Variants in ABCA8 observed in about 807,000 individuals in gnomAD.
ABCA8 encodes ATP binding cassette subfamily A member 8.
ABCA8 carries 177 observed loss-of-function variants against 192.3 expected under a neutral mutation model. The ratio of observed to expected loss-of-function variants is 0.92; its 90% CI spans 0.81 to 1.04. ABCA8 has a LOEUF of 1.04. ABCA8 is among the 50% of genes least tolerant of loss of function. The probability of loss-of-function intolerance (pLI) is 0.00; values close to 1 mark genes in which losing one functional copy is unlikely to be tolerated. For synonymous variants in ABCA8, 642 were observed against 690.2 expected, an observed-to-expected ratio of 0.93 and a Z score of 1.09; for missense variants, 1,915 against 1,904.8, an observed-to-expected ratio of 1.01 and a Z score of -0.10.
At chr17:68,953,492 G>A (rs2068625110) in intron 1 of ABCA8, among the ~76,000 whole-genome samples, 1 of 152,104 alleles carries the variant, frequency 6.6e-6, no homozygotes, top group Non-Finnish European at 1.5e-5. Flanking sequence ...GCAACAGAAG[G>A]CACATTAGCC....
chr17:68,878,442 C>T (rs930141725), intron 32 of ABCA8: 4 of 152,174 alleles, frequency 2.6e-5, no homozygotes, highest in African/African-American at 9.7e-5. Flanking sequence ...GAAGCCAGTT[C>T]CTGCAGCTGC....
rs1364186102 is a variant in ABCA8, at chr17:68,882,242, C to T, written c.3829-262G>A. On this transcript the variant is annotated intron_variant, in intron 30 of 39. Transcript: ENST00000586539. ...AGCTTGCCTGTCCTTTCAGATCAAA[C>T]GGGGGCAATGAAACTTAGAGAAGCA... Among the ~76,000 whole-genome samples, 7 of 152,184 alleles carry T rather than the reference C, an allele frequency of 4.6e-5. 1 individual carries two copies. Among genetic ancestry groups the T allele is most frequent in the East Asian group, 1.9e-4 (1 of 5,164 alleles).
At chr17:68,895,421 G>T (rs2066724367) in intron 21 of ABCA8, among the ~76,000 whole-genome samples, 1 of 152,072 alleles carries the variant, frequency 6.6e-6, no homozygotes, top group Non-Finnish European at 1.5e-5. Flanking sequence ...AGCAATGTGA[G>T]GAGCTCAGTA....
chr17:68,947,843 G>A (rs920297221), intron 2 of ABCA8, among the ~76,000 whole-genome samples: 4 of 152,034 alleles, frequency 2.6e-5, no homozygotes, highest in Non-Finnish European at 4.4e-5. Context: ...CCGTCATCTA[G>A]GTTTTAAGCC....
At position 68,868,174 on chromosome 17, in the gene ABCA8, C is replaced by T. The variant is rs2065961791; in HGVS notation, c.4777G>A (p.Glu1593Lys). 2.5e-6 allele frequency: 4 copies of T among 1,612,628 alleles called. No individual in the cohort carries two copies. The highest frequency in any genetic ancestry group is 1.3e-5 in the African/African-American group (1 of 74,828). The change falls in exon 40 of 40, where the codon GAG becomes AAG. Residue 1593 changes from glutamate (E) to lysine (K), a missense_variant. Glu to Lys is a moderately conservative substitution (Grantham distance 56). Transcript: ENST00000586539. ...SQSTLEQVFL[E>K]LSKEQELGDF... ...CCCAGCTCCTGCTCCTTGGAGAGCT[C>T]CAGGAAAACCTGAAAGGGAGGAAGG...
At position 68,936,832 on chromosome 17, in the gene ABCA8, G is replaced by A. The variant is rs548259736; in HGVS notation, c.466+119C>T. 25 of 838,074 alleles carry A rather than the reference G, an allele frequency of 3.0e-5. No individual in the cohort carries two copies. The South Asian group carries it at 5.7e-4, about 19-fold the overall frequency. 51.9% of individuals were successfully genotyped at this position (838,074 alleles called of 1,614,324 possible). Reference sequence around the variant, plus strand: ...TTTTTTTTTAAATGTTGAGGGACATGCATACATCATTATGACAGATAGTGA... The same window carrying A: ...TTTTTTTTTAAATGTTGAGGGACATACATACATCATTATGACAGATAGTGA... On this transcript the variant is annotated intron_variant, in intron 5 of 39. Coordinates refer to ENST00000586539, the MANE Select transcript of ABCA8 (RefSeq NM_001288985.2).
chr17:68,869,213 C>T (rs2065986238), intron 38 of ABCA8, among the ~76,000 whole-genome samples: 1 of 152,072 alleles, frequency 6.6e-6, no homozygotes, highest in African/African-American at 2.4e-5. Flanking sequence ...GCTAAAATTG[C>T]AAGGAAAACA....
At chr17:68,902,645 T>G (rs2143483326) in intron 21 of ABCA8, 68 bp downstream of exon 21, 1 of 1,282,924 alleles carries the variant, frequency 7.8e-7, no homozygotes, top group Non-Finnish European at 1.1e-6. Flanking sequence ...TTCTTTCTCA[T>G]GGTTATGTTT....
At chr17:68,927,824 C>T in intron 10 of ABCA8, 92 bp downstream of exon 10, 1 of 1,026,146 alleles carries the variant, frequency 9.7e-7, no homozygotes, top group East Asian at 3.0e-5. Context: ...CAAAATAGTT[C>T]TTAAAATATA....
rs1272259090 is a variant in ABCA8 at position 68,907,767 on chromosome 17, G to A, written c.2251C>T (p.Pro751Ser). The change falls in exon 18 of 40, where the codon CCC becomes TCC. Residue 751 changes from proline (P) to serine (S), a missense_variant. Transcript: ENST00000586539. ...KSEGKLIYTL[P>S]LERTNKFPEL... ...GGAAATTTATTTGTTCTTTCTAAGG[G>A]TAATGTATAAATAAGTTTTCCTTCG... 10 of 1,603,598 alleles carry A rather than the reference G, an allele frequency of 6.2e-6. No homozygotes were observed. The African/African-American group carries it at 1.1e-4, about 17-fold the overall frequency.
At chr17:68,876,368 G>T (rs558252918) in intron 35 of ABCA8, 92 bp downstream of exon 35, 41 of 1,487,996 alleles carry the variant, frequency 2.8e-5, no homozygotes, top group Non-Finnish European at 3.5e-5. Flanking sequence ...CTCCACAAAA[G>T]AGTTTAAGGG....
At chr17:68,908,474 T>C (rs1009900373) in intron 17 of ABCA8, among the ~76,000 whole-genome samples, 1 of 152,186 alleles carries the variant, frequency 6.6e-6, no homozygotes, top group Non-Finnish European at 1.5e-5. Context: ...GTTCATTGTC[T>C]AGTGCGGGCG....
At chr17:68,917,929 C>T in intron 16 of ABCA8, 118 bp downstream of exon 16, 1 of 1,237,804 alleles carries the variant, frequency 8.1e-7, no homozygotes, top group Non-Finnish European at 1.1e-6. Flanking sequence ...ACCAGCCATT[C>T]AATTTACCAG....
At chr17:68,894,740 G>T in intron 22 of ABCA8, 140 bp downstream of exon 22, 1 of 901,102 alleles carries the variant, frequency 1.1e-6, no homozygotes, top group Non-Finnish European at 1.6e-6. Flanking sequence ...AATTGTTTAT[G>T]CCAGTGAATA....
chr17:68,954,796 CAGA>C (rs1257746306), intron 1 of ABCA8, among the ~76,000 whole-genome samples: 1 of 152,122 alleles, frequency 6.6e-6, no homozygotes, highest in Non-Finnish European at 1.5e-5. Flanking sequence ...GTCTTAAAGT[CAGA>C]AGAACACTTA....
intron 24 of ABCA8, among the ~76,000 whole-genome samples, chr17:68,888,072 CATAT>C (rs1344585875): frequency 2.1e-5 from 3 of 144,402 alleles, no homozygotes; most frequent in Non-Finnish European, 4.5e-5. Flanking sequence ...ATACACACTC[CATAT>C]ATATACACAC....
rs1218024417 is a variant in ABCA8 at position 68,941,952 on chromosome 17, C to T, written c.83G>A (p.Arg28Lys). The change falls in exon 3 of 40, where the codon AGA becomes AAA. Residue 28 changes from arginine to lysine, a missense_variant. By Grantham distance (26) the Arg-to-Lys change is conservative (BLOSUM62 2). Transcript: ENST00000586539. ...KNFLKKWRMKRESLMEWLNSL... is the reference protein window; with the variant it reads ...KNFLKKWRMKKESLMEWLNSL... ...ATTGAGTCATACCATTAAGGACTCT[C>T]TTTTCATTCTCCATTTTTTAAGAAA... is the stretch of plus-strand genomic sequence containing the variant. 1.2e-6 allele frequency: 2 copies of T among 1,609,730 alleles called. No individual in the cohort carries two copies. Among genetic ancestry groups the T allele is most frequent in the South Asian group, 1.1e-5 (1 of 90,872 alleles).
At chr17:68,924,952 A>T in intron 10 of ABCA8, 83 bp from the exon 11 acceptor site, 1 of 1,432,110 alleles carries the variant, frequency 7.0e-7, no homozygotes, top group South Asian at 1.3e-5. Flanking sequence ...ACGGCAACAC[A>T]GCCCTTTGTT....
rs267605016 is a variant in ABCA8 at position 68,907,743 on chromosome 17, G to A, written c.2275C>T (p.Pro759Ser). The A allele has an allele frequency of 1.3e-6, 2 of 1,581,780 alleles. No individual in the cohort carries two copies. Among genetic ancestry groups the A allele is most frequent in the South Asian group, 2.4e-5 (2 of 82,988 alleles). ...TLPLERTNKF[P>S]ELYKDLDSYP... ...TCACAGTGTTCATGCACATTACCTG[G>A]AAATTTATTTGTTCTTTCTAAGGGT... is the stretch of plus-strand genomic sequence containing the variant. The change falls in exon 18 of 40, where the codon CCA becomes TCA. Residue 759 changes from proline (P) to serine (S), a missense_variant. By Grantham distance (74) the Pro-to-Ser change is moderately conservative. Coordinates refer to ENST00000586539, the MANE Select transcript of ABCA8 (RefSeq NM_001288985.2).
Sources: gnomAD v4.1 joint callset for allele counts (sites outside exome capture counted in the v4.1 genomes callset) on GRCh38, gnomAD v4.1.1 for gene constraint, MANE v1.5 for transcripts, NCBI Gene and HGNC (gene_info 2026-07-23, HGNC 2026-07-21) for gene names.